The following BAZ1B variants were observed in gnomAD, a reference collection of about 807,000 sequenced individuals.
BAZ1B encodes bromodomain adjacent to zinc finger domain 1B.
In BAZ1B, 22 loss-of-function variants were observed where a neutral mutation model predicts 153.8. The ratio of observed to expected loss-of-function variants is 0.14; its 90% CI spans 0.10 to 0.20. The LOEUF is 0.20. BAZ1B is among the 10% of genes least tolerant of loss of function. The probability of loss-of-function intolerance (pLI) is 1.00; values close to 1 mark genes in which losing one functional copy is unlikely to be tolerated. For missense variants in BAZ1B, 1,325 were observed against 1,799.3 expected, an observed-to-expected ratio of 0.74 and a Z score of 4.77; for synonymous variants, 676 against 633.4, an observed-to-expected ratio of 1.07 and a Z score of -1.01.
intron 6 of BAZ1B, among the ~76,000 whole-genome samples, chr7:73,480,473 A>G (rs1789159140): frequency 6.6e-6 from 1 of 152,244 alleles, no homozygotes; most frequent in Non-Finnish European, 1.5e-5. Flanking sequence ...AATGCCTGGT[A>G]GCTAAAATGC....
intron 13 of BAZ1B, among the ~76,000 whole-genome samples, chr7:73,452,022 C>T (rs1788039840): frequency 6.6e-6 from 1 of 152,180 alleles, no homozygotes; most frequent in Admixed American, 6.5e-5. Flanking sequence ...TGGAAGAAAA[C>T]AGTCATGGGC....
intron 4 of BAZ1B, among the ~76,000 whole-genome samples, chr7:73,493,477 G>GAA (rs1329954032): frequency 1.3e-5 from 2 of 151,810 alleles, no homozygotes; most frequent in Non-Finnish European, 2.9e-5. Flanking sequence ...GAAAAGAAAA[G>GAA]AAAAATACTA....
chr7:73,506,335 A>G (rs551653650), intron 3 of BAZ1B, among the ~76,000 whole-genome samples: 1 of 151,992 alleles, frequency 6.6e-6, no homozygotes, highest in East Asian at 1.9e-4. Context: ...CGTCTCTATT[A>G]AAAATACAAA....
chr7:73,449,933 A>G (rs972708211), intron 14 of BAZ1B, among the ~76,000 whole-genome samples: 9 of 152,354 alleles, frequency 5.9e-5, no homozygotes, highest in East Asian at 3.8e-4. Context: ...TGGCTATGAC[A>G]GAACAGTTAA....
chr7:73,450,827 C>T lies in BAZ1B; in HGVS notation c.3580+20G>A. 1 of 1,612,534 alleles carries T rather than the reference C, an allele frequency of 6.2e-7. No homozygotes were observed. Among genetic ancestry groups the T allele is most frequent in the Non-Finnish European group, 8.5e-7 (1 of 1,178,772 alleles). Reference sequence around the variant, plus strand: ...CTACTCCCTAATATACCCACATAAGCAAATTTGATTTAAATATACCTTTCT... The same window carrying T: ...CTACTCCCTAATATACCCACATAAGTAAATTTGATTTAAATATACCTTTCT... On this transcript the variant is annotated intron_variant, in intron 14 of 19. Coordinates refer to ENST00000339594, the MANE Select transcript of BAZ1B (RefSeq NM_032408.4). The surrounding 1 kb of genome is among the most constrained non-coding windows in gnomAD (Gnocchi z 4.1).
intron 1 of BAZ1B, among the ~76,000 whole-genome samples, chr7:73,516,133 C>T (rs963259072): frequency 1.3e-5 from 2 of 151,930 alleles, no homozygotes; most frequent in African/African-American, 2.4e-5. Flanking sequence ...GGCTACAGAG[C>T]GAGACTCCAC....
At chr7:73,441,908 G>GGT in intron 19 of BAZ1B, 1 of 442,440 alleles carries the variant, frequency 2.3e-6, no homozygotes, top group East Asian at 3.7e-5. Context: ...AAAGAAGGCA[G>GGT]GAACAGGAAC....
intron 3 of BAZ1B, among the ~76,000 whole-genome samples, chr7:73,502,179 G>A (rs62465157): frequency 0.049 from 7,399 of 151,884 alleles, 206 homozygotes; most frequent in Non-Finnish European, 0.066. Flanking sequence ...GTGAGCCACC[G>A]CACCTGGCCT....
At chr7:73,470,210 C>A in intron 8 of BAZ1B, 135 bp downstream of exon 8, 1 of 1,048,888 alleles carries the variant, frequency 9.5e-7, no homozygotes, top group Non-Finnish European at 1.3e-6. Flanking sequence ...CAATAATCAT[C>A]AACAATTCTG....
At chr7:73,518,246 CAAA>C (rs34315305) in intron 1 of BAZ1B, among the ~76,000 whole-genome samples, 3 of 127,538 alleles carry the variant, frequency 2.4e-5, no homozygotes, top group Admixed American at 8.0e-5. Flanking sequence ...CTAAAAATAC[CAAA>C]AAAAAAAAAA....
At chr7:73,473,043 G>A (rs1554572275) in intron 7 of BAZ1B, among the ~76,000 whole-genome samples, 2 of 151,972 alleles carry the variant, frequency 1.3e-5, no homozygotes, top group Non-Finnish European at 2.9e-5. Flanking sequence ...CCTGGTTCAA[G>A]CAATTCTCCT....
intron 1 of BAZ1B, among the ~76,000 whole-genome samples, chr7:73,512,687 T>C (rs1790637022): frequency 6.6e-6 from 1 of 152,238 alleles, no homozygotes. Context: ...CAGCAACAGA[T>C]GCTATGTAAG....
intron 6 of BAZ1B, among the ~76,000 whole-genome samples, chr7:73,483,039 G>A (rs1563384278): frequency 6.6e-6 from 1 of 152,170 alleles, no homozygotes; most frequent in African/African-American, 2.4e-5. Context: ...TACCAGACTA[G>A]CAGATGGGGA....
chr7:73,489,250 C>A lies in BAZ1B; in HGVS notation c.835G>T (p.Val279Leu). Residue 279 changes from valine to leucine, a missense_variant, in exon 6 of 20, where the codon GTG (valine) becomes TTG (leucine). This residue lies in a region of BAZ1B where 219 missense variants were observed against 248.2 expected (regional missense o/e 0.88). Transcript: ENST00000339594. ...TTGCTGGGCAGAGAGTATTTCTTCA[C>A]CAATTCATCTTCTACGACCCAAGGT... ...NAPWVVEDEL[V>L]KKYSLPSKFS... 1.2e-6 allele frequency: 2 copies of A among 1,614,168 alleles called. No homozygotes were observed. Among genetic ancestry groups the A allele is most frequent in the Non-Finnish European group, 1.7e-6 (2 of 1,180,034 alleles).
rs201226819 is a variant in BAZ1B, at chr7:73,477,360, C to T, written c.2101G>A (p.Val701Ile). The T allele has an allele frequency of 6.8e-6, 11 of 1,614,234 alleles. No homozygotes were observed. Among genetic ancestry groups the T allele is most frequent in the Non-Finnish European group, 9.3e-6 (11 of 1,180,022 alleles). ...TCTGAGCCCTCGCTTTCCTCCTGAA[C>T]ATCAGATCTGCGCAAGCAGAGCCGC... ...LVRLCLRRSD[V>I]QEESEGSDTD... The change falls in exon 7 of 20, where the codon GTT becomes ATT. Residue 701 changes from valine to isoleucine, a missense_variant. Coordinates refer to ENST00000339594, the MANE Select transcript of BAZ1B (RefSeq NM_032408.4). This position sits in a 1 kb window ranked among gnomAD's most constrained non-coding sequence, Gnocchi z 5.6.
At chr7:73,476,737 T>C in intron 7 of BAZ1B, 131 bp downstream of exon 7, 2 of 1,404,040 alleles carry the variant, frequency 1.4e-6, no homozygotes, top group Admixed American at 5.3e-5. Flanking sequence ...ATAAAATACA[T>C]ACCAATAGGT....
At chr7:73,460,404 GTTTTT>G (rs1428187502) in intron 12 of BAZ1B, among the ~76,000 whole-genome samples, 1 of 151,860 alleles carries the variant, frequency 6.6e-6, no homozygotes, top group Non-Finnish European at 1.5e-5. Context: ...CCATCTTAAT[GTTTTT>G]TTAATTTTTT....
intron 13 of BAZ1B, among the ~76,000 whole-genome samples, chr7:73,456,260 G>A (rs1788194070): frequency 6.6e-6 from 1 of 152,140 alleles, no homozygotes. Flanking sequence ...TGATTTCTTG[G>A]ACATGACACC....
chr7:73,490,887 G>A (rs1408883057), intron 5 of BAZ1B, among the ~76,000 whole-genome samples: 31 of 151,682 alleles, frequency 2.0e-4, no homozygotes, highest in Admixed American at 8.5e-4. Context: ...TTACAGGCAT[G>A]AGCCACCGTG....
Sources: allele counts gnomAD v4.1 joint callset (sites outside exome capture counted in the v4.1 genomes callset), GRCh38; gene constraint gnomAD v4.1.1; regional missense constraint gnomAD v4.1.1; non-coding constraint Gnocchi (gnomAD v3.1); transcripts MANE v1.5; gene names NCBI Gene and HGNC (gene_info 2026-07-23, HGNC 2026-07-21).